C2orf76: variants seen among roughly 807,000 people sequenced by gnomAD.
The protein encoded by C2orf76 is chromosome 2 open reading frame 76.
A neutral mutation model predicts 16.9 loss-of-function variants in C2orf76; 23 were observed. The ratio of observed to expected loss-of-function variants is 1.36; its 90% CI spans 0.98 to 1.93. The LOEUF is 1.93. C2orf76 is among the 30% of genes most tolerant of loss of function. The pLI, the probability that C2orf76 is intolerant of heterozygous loss-of-function variation, is 0.00. For missense variants in C2orf76, 152 were observed against 152.6 expected (o/e 1.00, Z 0.02); for synonymous variants, 48 against 52.3 (o/e 0.92, Z 0.35).
the C2orf76 span, among the ~76,000 whole-genome samples, chr2:119,289,847 T>C: frequency 1.3e-5 from 2 of 151,946 alleles, no homozygotes; most frequent in Non-Finnish European, 2.9e-5. Context: ...AGTTCTCTGC[T>C]GTCAGCCACA....
intron 2 of C2orf76, among the ~76,000 whole-genome samples, chr2:119,331,832 ACG>A (rs1679686431): frequency 6.6e-6 from 1 of 152,206 alleles, no homozygotes; most frequent in Non-Finnish European, 1.5e-5. Flanking sequence ...AAAGTTTATG[ACG>A]TATCTATTAT....
chr2:119,364,140 AAG>A (rs967692704), intron 1 of C2orf76, among the ~76,000 whole-genome samples: 3 of 151,834 alleles, frequency 2.0e-5, no homozygotes, highest in Admixed American at 6.6e-5. Flanking sequence ...AGAAGAGAGA[AAG>A]AGAGAGAGAT....
intron 1 of C2orf76, among the ~76,000 whole-genome samples, chr2:119,343,024 C>T (rs1259763514): frequency 1.3e-5 from 2 of 152,116 alleles, no homozygotes; most frequent in African/African-American, 2.4e-5. Context: ...CCTGGCTCGG[C>T]CTCCCAAAGT....
chr2:119,360,247 G>A (rs780322779), intron 1 of C2orf76, among the ~76,000 whole-genome samples: 14 of 152,096 alleles, frequency 9.2e-5, no homozygotes, highest in Non-Finnish European at 1.5e-4. Context: ...TTGGGAGGCC[G>A]AGGCAGGTGA....
chr2:119,367,065 A>G (rs752376790), upstream of C2orf76: 55 of 1,614,036 alleles, frequency 3.4e-5, no homozygotes, highest in Non-Finnish European at 4.6e-5. Context: ...TCTCAGGTAC[A>G]GCGCGTGCAC....
At chr2:119,353,556 CTT>C (rs755724739) in intron 1 of C2orf76, among the ~76,000 whole-genome samples, 3,340 of 124,500 alleles carry the variant, frequency 0.027, 106 homozygotes, top group African/African-American at 0.094. Context: ...CAAGAATTTT[CTT>C]TTTTTTTTTT....
chr2:119,316,934 A>C (rs1679190342), intron 4 of C2orf76, among the ~76,000 whole-genome samples: 1 of 152,222 alleles, frequency 6.6e-6, no homozygotes. Flanking sequence ...ACCCATAAAT[A>C]AACAGCTCTC....
the C2orf76 span, among the ~76,000 whole-genome samples, chr2:119,295,193 G>A: frequency 6.6e-6 from 1 of 152,168 alleles, no homozygotes; most frequent in Non-Finnish European, 1.5e-5. Context: ...CCAGGGTACA[G>A]GAAGGTTTGT....
chr2:119,346,872 G>A (rs1033173654), intron 1 of C2orf76, among the ~76,000 whole-genome samples: 1 of 152,056 alleles, frequency 6.6e-6, no homozygotes, highest in Non-Finnish European at 1.5e-5. Context: ...TCAATTTCCC[G>A]GCTGTAAAAT....
intron 2 of C2orf76, chr2:119,338,776 G>C (rs768462495): frequency 5.9e-5 from 9 of 152,236 alleles, no homozygotes; most frequent in Non-Finnish European, 1.3e-4. Context: ...CAGACCCAGG[G>C]CTTATATCAT....
At chr2:119,294,201 G>C in the C2orf76 span, among the ~76,000 whole-genome samples, 1 of 152,136 alleles carries the variant, frequency 6.6e-6, no homozygotes, top group Non-Finnish European at 1.5e-5. Context: ...GCAAGTGTTG[G>C]CAAGAAGGGT....
In C2orf76 at chr2:119,302,495, C is replaced by A; in HGVS notation, c.358G>T (p.Ala120Ser). 6.8e-7 allele frequency: 1 copy of A among 1,477,362 alleles called. No homozygotes were observed. Among genetic ancestry groups the A allele is most frequent in the Non-Finnish European group, 9.3e-7 (1 of 1,078,376 alleles). 91.5% of individuals were successfully genotyped at this position (1,477,362 alleles called of 1,614,324 possible). ...TTTCACCAGGATGAAATGGGATTAGCTTTGTAGTTCTTATAATCTTCTTCA... is the reference window on the plus strand; with the variant it reads ...TTTCACCAGGATGAAATGGGATTAGATTTGTAGTTCTTATAATCTTCTTCA... ...FCEEDYKNYK[A>S]NPISSW is the part of the protein sequence containing the mutation. The change falls in exon 6 of 6, where the codon GCT becomes TCT. Residue 120 changes from alanine (A) to serine (S), a missense_variant. Ala to Ser is a moderately conservative substitution (Grantham distance 99). Transcript: ENST00000334816.
At chr2:119,291,549 G>C in the C2orf76 span, among the ~76,000 whole-genome samples, 1 of 151,910 alleles carries the variant, frequency 6.6e-6, no homozygotes, top group African/African-American at 2.4e-5. Context: ...TGAATCCAAG[G>C]GCAAGGCACC....
chr2:119,292,577 T>C, the C2orf76 span, among the ~76,000 whole-genome samples: 1 of 152,192 alleles, frequency 6.6e-6, no homozygotes, highest in Non-Finnish European at 1.5e-5. Context: ...CACACAGGAC[T>C]GCTGACCAAT....
the C2orf76 span, among the ~76,000 whole-genome samples, chr2:119,293,730 C>T: frequency 2.0e-5 from 3 of 152,126 alleles, no homozygotes; most frequent in East Asian, 3.9e-4. Context: ...TCTGAACGCC[C>T]GTGGAGCAGA....
chr2:119,335,135 C>T (rs1679807246), intron 2 of C2orf76, among the ~76,000 whole-genome samples: 1 of 152,240 alleles, frequency 6.6e-6, no homozygotes, highest in Admixed American at 6.5e-5. Context: ...GTATATAGAT[C>T]ATTACATATA....
intron 5 of C2orf76, among the ~76,000 whole-genome samples, chr2:119,308,471 C>A (rs2104539902): frequency 6.7e-6 from 1 of 148,256 alleles, no homozygotes; most frequent in East Asian, 2.0e-4. Flanking sequence ...AAAACCCGGT[C>A]TCTACTAAAA....
chr2:119,321,149 GT>G lies in C2orf76; in HGVS notation c.184+4del. On this transcript the variant is annotated splice_donor_region_variant and intron_variant, in intron 3 of 5. Transcript: ENST00000334816. The stretch of plus-strand genomic sequence containing the variant: ...TATATTTTAAAAGAATAAAAAAATG[GT>G]TACCATATTTATAATTTCTGAATGG... 1 of 1,374,850 alleles carries G rather than the reference GT, an allele frequency of 7.3e-7. No individual in the cohort carries two copies. Among genetic ancestry groups the G allele is most frequent in the Non-Finnish European group, 9.9e-7 (1 of 1,007,980 alleles). The allele number at this position is 1,374,850 out of a possible 1,614,324, so 85.2% of individuals were successfully genotyped here.
chr2:119,282,972 C>G, the C2orf76 span, among the ~76,000 whole-genome samples: 2 of 152,170 alleles, frequency 1.3e-5, no homozygotes, highest in Non-Finnish European at 2.9e-5. Context: ...TCCTGAAAGA[C>G]GGATGTCCAC....
Sources: allele counts gnomAD v4.1 joint callset (sites outside exome capture counted in the v4.1 genomes callset), GRCh38; gene constraint gnomAD v4.1.1; transcripts MANE v1.5; gene names NCBI Gene and HGNC (gene_info 2026-07-23, HGNC 2026-07-21).